Variants in TEAD2 observed in about 807,000 individuals in gnomAD.
TEAD2 encodes the protein TEA domain transcription factor 2, also known as transcriptional enhancer factor TEF-4.
TEAD2 carries 51 observed loss-of-function variants against 61.4 expected under a neutral mutation model. The observed-to-expected ratio is 0.83, with a 90% CI of 0.66 to 1.05. The LOEUF is 1.05. Among genes scored for constraint, TEAD2 ranks in the 50% least tolerant of loss-of-function variants. The pLI, the probability that TEAD2 is intolerant of heterozygous loss-of-function variation, is 0.00. For missense variants in TEAD2, 509 were observed against 600.0 expected, an observed-to-expected ratio of 0.85 and a Z score of 1.58; for synonymous variants, 244 against 243.2, an observed-to-expected ratio of 1.00 and a Z score of -0.03.
chr19:49,360,397 A>C (rs186342411), intron 1 of TEAD2: 291 of 385,428 alleles, frequency 7.6e-4, no homozygotes, highest in African/African-American at 5.7e-3. Flanking sequence ...TGTGAGGGAG[A>C]AGGGGCTGGG....
At chr19:49,361,129 G>T (rs1245783751) in intron 1 of TEAD2, among the ~76,000 whole-genome samples, 1 of 104,206 alleles carries the variant, frequency 9.6e-6, no homozygotes, top group African/African-American at 3.9e-5. Flanking sequence ...GGGGGAGACA[G>T]AGACCAGAAA....
At position 49,351,366 on chromosome 19, in the gene TEAD2, C is replaced by G; in HGVS notation, c.540-1G>C. The G allele has an allele frequency of 6.2e-7, 1 of 1,609,336 alleles. No individual in the cohort carries two copies. The highest frequency in any genetic ancestry group is 8.5e-7 in the Non-Finnish European group (1 of 1,178,388). ...CGGTGTCTGTGAGAATGGCTTCACA[C>G]TGAGGGAAAAAGGAAGCCAGGGGTT... On this transcript the variant is annotated splice_acceptor_variant, in intron 7 of 12. Coordinates refer to ENST00000593945, the MANE Select transcript of TEAD2 (RefSeq NM_001256660.2). LOFTEE classifies it high-confidence loss of function.
At position 49,356,762 on chromosome 19, in the gene TEAD2, T is replaced by G. The variant is rs143468451; in HGVS notation, c.360+490A>C. The stretch of plus-strand genomic sequence containing the variant: ...GGGACCGACGGCCCATCCTTCCTGC[T>G]GTCCTGAGCAAAACCTTCAGCCTCC... On this transcript the variant is annotated intron_variant, in intron 4 of 12. Coordinates refer to ENST00000593945, the MANE Select transcript of TEAD2 (RefSeq NM_001256660.2). 7.0e-3 allele frequency among the ~76,000 whole-genome samples: 1,064 copies of G among 152,164 alleles called. 19 individuals carry two copies. Among genetic ancestry groups the G allele is most frequent in the Middle Eastern group, 0.041 (12 of 294 alleles).
At chr19:49,355,021 G>GCATGCATACATA (rs1555784787) in intron 7 of TEAD2, 127 bp downstream of exon 7, 44 of 630,494 alleles carry the variant, frequency 7.0e-5, no homozygotes, top group Non-Finnish European at 8.3e-5. Context: ...ATACATACAT[G>GCATGCATACATA]CATACATACA....
At position 49,347,345 on chromosome 19, in the gene TEAD2, C is replaced by T. The variant is rs1600721171; in HGVS notation, c.766G>A (p.Val256Met). ...CTGGGGCAGTGCTGGCTGATGTGCACGAACAGGTGCCTCTGGTACTGAGGA... is the reference window on the plus strand; with the variant it reads ...CTGGGGCAGTGCTGGCTGATGTGCATGAACAGGTGCCTCTGGTACTGAGGA... Reference protein sequence around the residue: ...AVDSYQRHLFVHISQHCPSPG... With the variant: ...AVDSYQRHLFMHISQHCPSPG... Residue 256 changes from valine (V) to methionine (M), a missense_variant, in exon 10 of 13, where the codon GTG becomes ATG. Val to Met is a conservative substitution (Grantham distance 21). Coordinates refer to ENST00000593945, the MANE Select transcript of TEAD2 (RefSeq NM_001256660.2). 4 of 1,610,824 alleles carry T rather than the reference C, an allele frequency of 2.5e-6. No individual in the cohort carries two copies. The highest frequency in any genetic ancestry group is 2.2e-5 in the East Asian group (1 of 44,876).
At chr19:49,344,287 T>C (rs561407562) in intron 10 of TEAD2, among the ~76,000 whole-genome samples, 2 of 151,998 alleles carry the variant, frequency 1.3e-5, no homozygotes, top group East Asian at 1.9e-4. Flanking sequence ...CCTTTTTTCT[T>C]TTCTTTTTTT....
chr19:49,345,090 G>T (rs30007), intron 10 of TEAD2, among the ~76,000 whole-genome samples: 36,432 of 151,974 alleles, frequency 0.24, 4,514 homozygotes, highest in Non-Finnish European at 0.25. Context: ...TCCTAAGGGG[G>T]TGGCTCTCCA....
Position 49,359,486 on chromosome 19 carries a change from C to T in TEAD2, c.246G>A (p.Leu82=). Residue 82 remains leucine, a synonymous_variant, in exon 3 of 13, where the codon CTG becomes CTA. Coordinates refer to ENST00000593945, the MANE Select transcript of TEAD2 (RefSeq NM_001256660.2). This position sits in a 1 kb window ranked among gnomAD's most constrained non-coding sequence, Gnocchi z 4.1. ...DEGKMYGRNE[L]IARYIKLRTG... Reference sequence around the variant, plus strand: ...TTCTCAGCTTGATGTAGCGGGCGATCAGTTCATTCCGACCTGAAGATTCAA... The same window carrying T: ...TTCTCAGCTTGATGTAGCGGGCGATTAGTTCATTCCGACCTGAAGATTCAA... The T allele has an allele frequency of 6.2e-7, 1 of 1,614,064 alleles. No individual in the cohort carries two copies. The highest frequency in any genetic ancestry group is 8.5e-7 in the Non-Finnish European group (1 of 1,180,010).
At position 49,343,863 on chromosome 19, in the gene TEAD2, G is replaced by GGA. The variant is rs1358113490; in HGVS notation, c.922-466_922-465insTC. Among the ~76,000 whole-genome samples the GGA allele has an allele frequency of 4.7e-4, 68 of 144,244 alleles. 2 individuals are homozygous for GGA. Among genetic ancestry groups the GGA allele is most frequent in the African/African-American group, 1.7e-3 (67 of 39,810 alleles). 94.6% of individuals were successfully genotyped at this position (144,244 alleles called of 152,430 possible). ...TTGTTTGTCTTTTTTTTTGGGGGGG[G>GGA]GGGAACAGGGTCTTGCTCCGTCACC... On this transcript the variant is annotated intron_variant, in intron 10 of 12. Coordinates refer to ENST00000593945, the MANE Select transcript of TEAD2 (RefSeq NM_001256660.2).
intron 3 of TEAD2, among the ~76,000 whole-genome samples, chr19:49,358,160 G>A (rs1025835152): frequency 6.6e-6 from 1 of 152,224 alleles, no homozygotes; most frequent in East Asian, 1.9e-4. Context: ...CTTGAACCCG[G>A]GAGGCGGGGC....
rs1971223017 is a variant in TEAD2, at chr19:49,340,968, CAG to C, written c.*354_*355del. 4.5e-6 allele frequency: 1 copy of C among 222,766 alleles called. No homozygotes were observed. The highest frequency in any genetic ancestry group is 2.3e-5 in the African/African-American group (1 of 43,304). 13.8% of individuals were successfully genotyped at this position (222,766 alleles called of 1,614,324 possible). A position where few individuals can be genotyped will look rare whatever the true frequency, so the allele number is the denominator to read the frequency against. On this transcript the variant is annotated 3_prime_UTR_variant, in exon 13 of 13. Transcript: ENST00000593945. ...TGTAACTAGCGCTCTCCAAGACATG[CAG>C]AGGAGTGGGGGTGGCCTGTCAGGGG... is the stretch of plus-strand genomic sequence containing the variant.
At chr19:49,357,429 C>T in intron 3 of TEAD2, 115 bp from the exon 4 acceptor site, 1 of 1,114,498 alleles carries the variant, frequency 9.0e-7, no homozygotes, top group Non-Finnish European at 1.3e-6. Context: ...AGGTGAAAAA[C>T]ACACTGAAGA....
In TEAD2 at chr19:49,340,717, AC is replaced by A. The variant is rs1372183294; in HGVS notation, c.*606del. ...GGGATGAGATTAGAAAGTTCAACAC[AC>A]TGCTTGTGCAGCGGAGATAAAGTCA... On this transcript the variant is annotated 3_prime_UTR_variant, in exon 13 of 13. Transcript: ENST00000593945. The A allele has an allele frequency of 8.4e-6, 3 of 358,486 alleles. No homozygotes were observed. The highest frequency in any genetic ancestry group is 6.3e-5 in the African/African-American group (3 of 47,710). The allele number at this position is 358,486 out of a possible 1,614,324, so 22.2% of individuals were successfully genotyped here.
At chr19:49,354,394 C>T (rs1972236562) in intron 7 of TEAD2, among the ~76,000 whole-genome samples, 1 of 151,972 alleles carries the variant, frequency 6.6e-6, no homozygotes, top group Non-Finnish European at 1.5e-5. Context: ...GTCTCAGCTA[C>T]TCAGGAGGCT....
At chr19:49,347,478 A>G in intron 9 of TEAD2, 115 bp from the exon 10 acceptor site, 1 of 1,253,018 alleles carries the variant, frequency 8.0e-7, no homozygotes, top group South Asian at 1.4e-5. Context: ...GCTGTTCCAC[A>G]CAGTCCACCC....
At chr19:49,355,709 C>A (rs1196087608) in intron 5 of TEAD2, among the ~76,000 whole-genome samples, 1 of 152,116 alleles carries the variant, frequency 6.6e-6, no homozygotes, top group African/African-American at 2.4e-5. Context: ...CACGCATAAT[C>A]CCAGCTACTA....
At chr19:49,361,190 AGAGGCCCAGAGAGGGAG>A (rs1972881618) in intron 1 of TEAD2, among the ~76,000 whole-genome samples, 6 of 136,798 alleles carry the variant, frequency 4.4e-5, no homozygotes, top group Admixed American at 7.1e-5. Flanking sequence ...AGAGGGGTCC[AGAGGCCCAGAGAGGGAG>A]ACAGAGACCC....
At chr19:49,351,136 G>A (rs567603835) in intron 8 of TEAD2, among the ~76,000 whole-genome samples, 165 bp downstream of exon 8, 18 of 152,132 alleles carry the variant, frequency 1.2e-4, no homozygotes, top group South Asian at 2.1e-4. Flanking sequence ...CCGAGATCAC[G>A]CCACTGCACT....
Position 49,360,084 on chromosome 19 carries a change from G to A in TEAD2, c.-6-3C>T, listed in dbSNP as rs375839888. The A allele has an allele frequency of 3.1e-6, 5 of 1,600,954 alleles. No individual in the cohort carries two copies. The African/African-American group carries it at 6.7e-5, about 21-fold the overall frequency. Reference sequence around the variant, plus strand: ...GCCCGGGGTTCCCCCATCTGGGCCTGGAGGAACACAGAACTCAGCAAGCTT... The same window carrying A: ...GCCCGGGGTTCCCCCATCTGGGCCTAGAGGAACACAGAACTCAGCAAGCTT... On this transcript the variant is annotated splice_region_variant and splice_polypyrimidine_tract_variant and intron_variant, in intron 1 of 12. Coordinates refer to ENST00000593945, the MANE Select transcript of TEAD2 (RefSeq NM_001256660.2).
Sources: gnomAD v4.1 joint callset for allele counts (sites outside exome capture counted in the v4.1 genomes callset) on GRCh38, gnomAD v4.1.1 for gene constraint, Gnocchi (gnomAD v3.1) non-coding constraint, MANE v1.5 for transcripts, NCBI Gene and HGNC (gene_info 2026-07-23, HGNC 2026-07-21) for gene names.